The following HPSE variants were observed in gnomAD, a reference collection of about 807,000 sequenced individuals.
HPSE encodes endo-glucoronidase.
HPSE carries 48 observed loss-of-function variants against 65.1 expected under a neutral mutation model. The observed-to-expected ratio is 0.74, with a 90% confidence interval of 0.58 to 0.94. HPSE has a LOEUF of 0.94. Ranked by LOEUF, HPSE falls within the 40% of genes least tolerant of loss-of-function variation. The pLI, the probability that HPSE is intolerant of heterozygous loss-of-function variation, is 0.00. For synonymous variants in HPSE, 243 were observed against 260.0 expected, an observed-to-expected ratio of 0.93 and a Z score of 0.63; for missense variants, 644 against 637.5, an observed-to-expected ratio of 1.01 and a Z score of -0.11.
At chr4:83,325,654 C>A (rs561950319) in intron 1 of HPSE, among the ~76,000 whole-genome samples, 6 of 152,142 alleles carry the variant, frequency 3.9e-5, no homozygotes, top group African/African-American at 1.2e-4. Flanking sequence ...GTGATAGATA[C>A]GAACAAGTAA....
chr4:83,325,130 GGTGTGTGTGTGTGTGTGTGTGTGTGTGT>G (rs70949703), intron 1 of HPSE, among the ~76,000 whole-genome samples: 7 of 134,264 alleles, frequency 5.2e-5, no homozygotes, highest in Admixed American at 1.5e-4. Context: ...TATACAACTT[GGTGTGTGTGTGTGTGTGTGTGTGTGTGT>G]GTGTGTGTGT....
Position 83,295,217 on chromosome 4 carries a change from G to GGA in HPSE, c.*126_*127insTC. ...TACTGTGCTAAATCTAGCACTGACA[G>GGA]TGTCCCAGTGTCTCTCAAGCACCCA... is the stretch of plus-strand genomic sequence containing the variant. On this transcript the variant is annotated 3_prime_UTR_variant, in exon 12 of 12. Coordinates refer to ENST00000311412, the MANE Select transcript of HPSE (RefSeq NM_001098540.3). 1.5e-6 allele frequency: 1 copy of GGA among 655,006 alleles called. No homozygotes were observed. The highest frequency in any genetic ancestry group is 2.6e-5 in the East Asian group (1 of 38,356). 40.6% of individuals were successfully genotyped at this position (655,006 alleles called of 1,614,324 possible).
At chr4:83,331,814 T>C (rs908734421) in intron 1 of HPSE, among the ~76,000 whole-genome samples, 4 of 152,230 alleles carry the variant, frequency 2.6e-5, no homozygotes, top group Non-Finnish European at 5.9e-5. Context: ...TCTCAATTCC[T>C]TTCCAAACAA....
At position 83,295,480 on chromosome 4, in the gene HPSE, G is replaced by A. The variant is rs762787392; in HGVS notation, c.1496C>T (p.Thr499Ile). 6.2e-7 allele frequency: 1 copy of A among 1,609,596 alleles called. No homozygotes were observed. The highest frequency in any genetic ancestry group is 1.1e-5 in the South Asian group (1 of 90,366). The change falls in exon 12 of 12, where the codon ACT (threonine) becomes ATT (isoleucine). Residue 499 changes from threonine to isoleucine, a missense_variant. Thr to Ile is a moderately conservative substitution (Grantham distance 89). Coordinates refer to ENST00000311412, the MANE Select transcript of HPSE (RefSeq NM_001098540.3). ...GGTTTGATCATCCACCATCTTTAGAGTTAGACCATTGAGTTGGACAGATCT... is the reference window on the plus strand; with the variant it reads ...GGTTTGATCATCCACCATCTTTAGAATTAGACCATTGAGTTGGACAGATCT... ...LSKSVQLNGL[T>I]LKMVDDQTLP...
chr4:83,323,790 A>G (rs1737021334), intron 1 of HPSE, among the ~76,000 whole-genome samples: 1 of 152,222 alleles, frequency 6.6e-6, no homozygotes, highest in Non-Finnish European at 1.5e-5. Flanking sequence ...GGTGCCTATC[A>G]TGTGCTTAGA....
intron 1 of HPSE, among the ~76,000 whole-genome samples, chr4:83,331,571 C>T (rs1737375202): frequency 6.6e-6 from 1 of 152,110 alleles, no homozygotes; most frequent in African/African-American, 2.4e-5. Flanking sequence ...TTGATTAAGT[C>T]CCTCTGGGAA....
In HPSE at chr4:83,299,502, T is replaced by C. The variant is rs1040789249; in HGVS notation, c.1472+1458A>G. Among the ~76,000 whole-genome samples, 5 of 151,892 alleles carry C rather than the reference T, an allele frequency of 3.3e-5. No homozygotes were observed. The East Asian group carries it at 7.7e-4, about 23-fold the overall frequency. On this transcript the variant is annotated intron_variant, in intron 11 of 11. Coordinates refer to ENST00000311412, the MANE Select transcript of HPSE (RefSeq NM_001098540.3). Reference sequence around the variant, plus strand: ...ATTACATGTTATATGATTATAGTTATAGTAAAATAAAGCATAGAGGGGAAA... The same window carrying C: ...ATTACATGTTATATGATTATAGTTACAGTAAAATAAAGCATAGAGGGGAAA...
chr4:83,303,140 G>GC (rs1736016438), intron 9 of HPSE, among the ~76,000 whole-genome samples: 2 of 18,382 alleles, frequency 1.1e-4, no homozygotes, highest in South Asian at 0.042. Context: ...AAGAATTCTT[G>GC]CAAAAAAATA....
chr4:83,300,184 C>G (rs925722979), intron 11 of HPSE, among the ~76,000 whole-genome samples: 10 of 152,090 alleles, frequency 6.6e-5, no homozygotes, highest in Non-Finnish European at 1.5e-5. Flanking sequence ...TTTTTGAAAC[C>G]AAAGTGTATG....
rs1737099267 is a variant in HPSE at position 83,325,179 on chromosome 4, G to A, written c.228-2815C>T. Among the ~76,000 whole-genome samples, 3 of 130,372 alleles carry A rather than the reference G, an allele frequency of 2.3e-5. No homozygotes were observed. In the South Asian group the frequency reaches 7.1e-4, roughly 31 times the overall value. 85.5% of individuals were successfully genotyped at this position (130,372 alleles called of 152,430 possible). On this transcript the variant is annotated intron_variant, in intron 1 of 11. Transcript: ENST00000311412. Reference sequence around the variant, plus strand: ...TGTGTGTGTGTGTGTGTGTGTGTGTGTGTGTTTTGAGACAGGGTCTCTGTC... The same window carrying A: ...TGTGTGTGTGTGTGTGTGTGTGTGTATGTGTTTTGAGACAGGGTCTCTGTC...
intron 3 of HPSE, among the ~76,000 whole-genome samples, chr4:83,315,152 C>CA (rs58487256): frequency 0.071 from 10,117 of 141,738 alleles, 376 homozygotes; most frequent in East Asian, 0.1. Flanking sequence ...GACTCTGTCT[C>CA]AAAAAAAAAA....
chr4:83,313,734 G>T (rs4693603), intron 3 of HPSE, among the ~76,000 whole-genome samples: 121,242 of 152,168 alleles, frequency 0.8, 48,466 homozygotes, highest in East Asian at 0.87. Flanking sequence ...TTCCTGTTAT[G>T]ATTTATTAAT....
In HPSE at chr4:83,313,237, A is replaced by G; in HGVS notation, c.550T>C (p.Leu184=). ...AATAACGCATTTAGGCCAAAGATCA[A>G]GTCCAGTCCTGAGCAGTTTGCAAAA... ...YTFANCSGLD[L]IFGLNALLRT... is the part of the protein sequence containing the mutation. Residue 184 remains leucine (L), a synonymous_variant, in exon 4 of 12, where the codon TTG becomes CTG. Coordinates refer to ENST00000311412, the MANE Select transcript of HPSE (RefSeq NM_001098540.3). The G allele has an allele frequency of 1.2e-6, 2 of 1,614,108 alleles. No homozygotes were observed. Among genetic ancestry groups the G allele is most frequent in the Non-Finnish European group, 1.7e-6 (2 of 1,179,986 alleles).
In HPSE at chr4:83,306,206, T is replaced by A. The variant is rs765800808; in HGVS notation, c.1203A>T (p.Leu401Phe). ...YHLVDENFDP[L>F]PDYWLSLLFK... ...TAGGAAAATAATGGTCACTTACAGG[T>A]AAAGGATCGAAGTTTTCATCCACTA... The change falls in exon 9 of 12, where the codon TTA becomes TTT. Residue 401 changes from leucine to phenylalanine, a missense_variant. By Grantham distance (22) the Leu-to-Phe change is conservative (BLOSUM62 0). Transcript: ENST00000311412. 6 of 1,578,436 alleles carry A rather than the reference T, an allele frequency of 3.8e-6. No homozygotes were observed. Among genetic ancestry groups the A allele is most frequent in the Non-Finnish European group, 5.2e-6 (6 of 1,147,482 alleles).
chr4:83,292,735 A>C lies in HPSE; in HGVS notation c.*2609T>G, dbSNP rs1396084905. On this transcript the variant is annotated 3_prime_UTR_variant, in exon 12 of 12. Transcript: ENST00000311412. ...AACTTGGACGGAACTGGGGGCTGTTATCCTAAGGGAAGTAACTCAGGAATG... is the reference window on the plus strand; with the variant it reads ...AACTTGGACGGAACTGGGGGCTGTTCTCCTAAGGGAAGTAACTCAGGAATG... 2 of 152,234 alleles carry C rather than the reference A, an allele frequency of 1.3e-5. No homozygotes were observed. Among genetic ancestry groups the C allele is most frequent in the African/African-American group, 2.4e-5 (1 of 41,458 alleles). 9.4% of individuals were successfully genotyped at this position (152,234 alleles called of 1,614,324 possible).
chr4:83,309,527 A>T, intron 6 of HPSE, 32 bp from the exon 7 acceptor site: 1 of 1,211,084 alleles, frequency 8.3e-7, no homozygotes, highest in East Asian at 2.4e-5. Context: ...CAGAAAAAAA[A>T]TAACAAATTT....
At chr4:83,321,987 CTTTTTTTTT>C (rs36002405) in intron 2 of HPSE, among the ~76,000 whole-genome samples, 1 of 92,562 alleles carries the variant, frequency 1.1e-5, no homozygotes, top group Non-Finnish European at 1.9e-5. Context: ...TCCAGGACGC[CTTTTTTTTT>C]TTTTTTTTTT....
upstream of HPSE, chr4:83,334,899 G>A: frequency 2.1e-6 from 3 of 1,410,886 alleles, no homozygotes; most frequent in East Asian, 2.6e-5. Flanking sequence ...GCCCCGTTAC[G>A]CCTCCTCACC....
intron 1 of HPSE, among the ~76,000 whole-genome samples, chr4:83,327,344 C>A (rs995075458): frequency 5.3e-5 from 8 of 152,196 alleles, no homozygotes; most frequent in South Asian, 2.1e-4. Flanking sequence ...GTATTAAGGA[C>A]CTTTTTGTTT....
Sources: gnomAD v4.1 joint callset for allele counts (sites outside exome capture counted in the v4.1 genomes callset) on GRCh38, gnomAD v4.1.1 for gene constraint, MANE v1.5 for transcripts, NCBI Gene and HGNC (gene_info 2026-07-23, HGNC 2026-07-21) for gene names.